PAK5: variants seen among roughly 807,000 people sequenced by gnomAD.
The protein encoded by PAK5 is p21 (RAC1) activated kinase 5, also known as serine/threonine-protein kinase PAK 5.
In PAK5, 16 loss-of-function variants were observed where a neutral mutation model predicts 65.9. The observed-to-expected ratio is 0.24, with a 90% CI of 0.16 to 0.37. PAK5 has a LOEUF of 0.37. Among genes scored for constraint, PAK5 ranks in the 10% least tolerant of loss-of-function variants. The pLI, the probability that PAK5 is intolerant of heterozygous loss-of-function variation, is 1.00. For missense variants in PAK5, 785 were observed against 903.9 expected, an observed-to-expected ratio of 0.87 and a Z score of 1.69; for synonymous variants, 371 against 354.9, an observed-to-expected ratio of 1.05 and a Z score of -0.51.
chr20:9,659,752 C>T (rs1569025331), intron 2 of PAK5, among the ~76,000 whole-genome samples: 1 of 152,084 alleles, frequency 6.6e-6, no homozygotes. Flanking sequence ...TTGTTTGTTT[C>T]TTTCTTTTAA....
intron 1 of PAK5, among the ~76,000 whole-genome samples, chr20:9,826,079 T>C (rs2123780780): frequency 6.6e-6 from 1 of 152,322 alleles, no homozygotes; most frequent in East Asian, 1.9e-4. Context: ...CAGCTGTTAC[T>C]CAGCTACAGC....
chr20:9,803,681 T>C (rs926096629), intron 1 of PAK5, among the ~76,000 whole-genome samples: 3 of 152,156 alleles, frequency 2.0e-5, no homozygotes, highest in African/African-American at 7.2e-5. Context: ...TGCATTAAAG[T>C]ATCATTGTAA....
chr20:9,549,694 T>C (rs1210000220), intron 7 of PAK5, among the ~76,000 whole-genome samples: 22 of 152,220 alleles, frequency 1.4e-4, no homozygotes, highest in Non-Finnish European at 4.4e-5. Context: ...AGCTACCTTC[T>C]GTTTTGTTCC....
rs368007298 is a variant in PAK5, at chr20:9,786,012, C to A, written c.-162+52750G>T. ...GGCTTCACGCTTCCCATCTGTCCATCTTCCATTCTTAGTACATAAGCCTTT... is the reference window on the plus strand; with the variant it reads ...GGCTTCACGCTTCCCATCTGTCCATATTCCATTCTTAGTACATAAGCCTTT... On this transcript the variant is annotated intron_variant, in intron 1 of 9. Transcript: ENST00000353224. Among the ~76,000 whole-genome samples, 25 of 152,266 alleles carry A rather than the reference C, an allele frequency of 1.6e-4. No homozygotes were observed. The East Asian group carries it at 4.3e-3, about 26-fold the overall frequency.
intron 2 of PAK5, among the ~76,000 whole-genome samples, chr20:9,658,368 C>A (rs1420763425): frequency 6.6e-6 from 1 of 152,154 alleles, no homozygotes; most frequent in East Asian, 1.9e-4. Context: ...GCCACATGGA[C>A]TCTCATCTTT....
chr20:9,675,206 AGAG>A lies in PAK5; in HGVS notation c.-11-30870_-11-30868del, dbSNP rs781711878. 1.3e-3 allele frequency among the ~76,000 whole-genome samples: 192 copies of A among 152,334 alleles called. 2 individuals carry two copies. Among genetic ancestry groups the A allele is most frequent in the Middle Eastern group, 3.4e-3 (1 of 294 alleles). On this transcript the variant is annotated intron_variant, in intron 2 of 9. Coordinates refer to ENST00000353224, the MANE Select transcript of PAK5 (RefSeq NM_177990.4). ...CTAAATATATATGACAAAAAATAAA[AGAG>A]GAGAAGAGTTAAAAAATGACAAGTT...
chr20:9,665,280 C>T (rs2047401643), intron 2 of PAK5, among the ~76,000 whole-genome samples: 3 of 151,872 alleles, frequency 2.0e-5, no homozygotes, highest in African/African-American at 7.3e-5. Context: ...TATTAAAATG[C>T]TGAGTTATTT....
intron 1 of PAK5, among the ~76,000 whole-genome samples, chr20:9,733,417 CTTCTCTCTCTCT>C (rs978126286): frequency 8.7e-5 from 12 of 137,420 alleles, no homozygotes; most frequent in Non-Finnish European, 1.6e-4. Flanking sequence ...TTCTTTCTTT[CTTCTCTCTCTCT>C]TTCTCTCTCT....
intron 3 of PAK5, among the ~76,000 whole-genome samples, chr20:9,605,852 C>A (rs1042892535): frequency 1.3e-5 from 2 of 152,088 alleles, no homozygotes; most frequent in African/African-American, 4.8e-5. Flanking sequence ...ATGGCTTGAA[C>A]CTTGGAGGTG....
At position 9,546,677 on chromosome 20, in the gene PAK5, G is replaced by A. The variant is rs73074120; in HGVS notation, c.1744-2183C>T. On this transcript the variant is annotated intron_variant, in intron 7 of 9. Transcript: ENST00000353224. Reference sequence around the variant, plus strand: ...AGAATAAATTGGGAAAGCCAAGGTAGGGATAGCAGCAGCTAGGACACAACA... The same window carrying A: ...AGAATAAATTGGGAAAGCCAAGGTAAGGATAGCAGCAGCTAGGACACAACA... Among the ~76,000 whole-genome samples the A allele has an allele frequency of 4.5e-3, 683 of 152,314 alleles. 3 individuals carry two copies. Among genetic ancestry groups the A allele is most frequent in the Non-Finnish European group, 7.0e-3 (477 of 68,020 alleles).
intron 1 of PAK5, among the ~76,000 whole-genome samples, chr20:9,749,016 T>A (rs2048542756): frequency 6.6e-6 from 1 of 151,448 alleles, no homozygotes; most frequent in Admixed American, 6.6e-5. Context: ...GCAGGTTAGT[T>A]TGGTTATCTT....
At chr20:9,779,931 AC>A (rs1392975878) in intron 1 of PAK5, among the ~76,000 whole-genome samples, 2 of 152,084 alleles carry the variant, frequency 1.3e-5, no homozygotes, top group African/African-American at 4.8e-5. Context: ...AATGATTTGT[AC>A]CCCATATCAA....
At chr20:9,804,165 G>A (rs537350491) in intron 1 of PAK5, among the ~76,000 whole-genome samples, 28 of 152,190 alleles carry the variant, frequency 1.8e-4, no homozygotes, top group Middle Eastern at 3.4e-3. Flanking sequence ...TTTAACAAGC[G>A]CTCTAGTGAT....
intron 2 of PAK5, among the ~76,000 whole-genome samples, chr20:9,688,365 C>A (rs1253710641): frequency 1.3e-5 from 2 of 151,936 alleles, no homozygotes; most frequent in Non-Finnish European, 2.9e-5. Context: ...TCTTTAAACT[C>A]GAGCGGCTTC....
intron 1 of PAK5, among the ~76,000 whole-genome samples, chr20:9,728,932 A>G (rs2048305446): frequency 6.6e-6 from 1 of 152,220 alleles, no homozygotes; most frequent in Non-Finnish European, 1.5e-5. Context: ...CTTCATTTAT[A>G]GTATTGTGCC....
intron 3 of PAK5, among the ~76,000 whole-genome samples, chr20:9,596,464 G>A (rs995720142): frequency 1.6e-4 from 25 of 151,728 alleles, no homozygotes; most frequent in South Asian, 4.2e-4. Context: ...GTGAAACCCC[G>A]TCTCTACTAA....
chr20:9,816,184 G>A (rs2049354638), intron 1 of PAK5, among the ~76,000 whole-genome samples: 1 of 152,084 alleles, frequency 6.6e-6, no homozygotes, highest in Admixed American at 6.6e-5. Context: ...TGATTATAGG[G>A]AGCATATATT....
chr20:9,629,094 G>A (rs1321967101), intron 3 of PAK5, among the ~76,000 whole-genome samples: 2 of 152,158 alleles, frequency 1.3e-5, no homozygotes, highest in Non-Finnish European at 2.9e-5. Context: ...ATTTTGCGAA[G>A]TGGATTCTTG....
intron 3 of PAK5, among the ~76,000 whole-genome samples, chr20:9,635,470 C>T (rs955590378): frequency 6.6e-6 from 1 of 152,114 alleles, no homozygotes; most frequent in Non-Finnish European, 1.5e-5. Context: ...CCCCACCCCT[C>T]TCCCCATCAT....
Sources: gnomAD v4.1 joint callset for allele counts (sites outside exome capture counted in the v4.1 genomes callset) on GRCh38, gnomAD v4.1.1 for gene constraint, MANE v1.5 for transcripts, NCBI Gene and HGNC (gene_info 2026-07-23, HGNC 2026-07-21) for gene names.